Variants in GRIN2A observed in about 807,000 individuals in gnomAD.
The protein encoded by GRIN2A is glutamate receptor ionotropic, NMDA 2A.
In GRIN2A, 22 loss-of-function variants were observed where a neutral mutation model predicts 113.4. The observed-to-expected ratio is 0.19, with a 90% CI of 0.14 to 0.28. The LOEUF (loss-of-function observed/expected upper bound fraction) is 0.28. GRIN2A is among the 10% of genes least tolerant of loss of function. The probability of loss-of-function intolerance (pLI) is 1.00; values close to 1 mark genes in which losing one functional copy is unlikely to be tolerated. For synonymous variants in GRIN2A, 827 were observed against 738.4 expected, an observed-to-expected ratio of 1.12 and a Z score of -1.94; for missense variants, 1,502 against 1,887.0, an observed-to-expected ratio of 0.80 and a Z score of 3.78.
At chr16:9,940,692 T>C (rs1011792358) in intron 2 of GRIN2A, among the ~76,000 whole-genome samples, 4 of 151,936 alleles carry the variant, frequency 2.6e-5, no homozygotes, top group Non-Finnish European at 4.4e-5. Context: ...TTCTGAATAT[T>C]GTGTCCAAAA....
intron 2 of GRIN2A, among the ~76,000 whole-genome samples, chr16:10,166,736 A>G (rs2049933327): frequency 6.6e-6 from 1 of 152,180 alleles, no homozygotes; most frequent in Non-Finnish European, 1.5e-5. Context: ...TGAACAACAC[A>G]CTGCATGCGT....
intron 3 of GRIN2A, among the ~76,000 whole-genome samples, chr16:9,897,624 G>C (rs2141503175): frequency 6.6e-6 from 1 of 152,200 alleles, no homozygotes; most frequent in African/African-American, 2.4e-5. Flanking sequence ...AATAATTTTA[G>C]GTTGATTTCA....
chr16:9,865,984 A>G (rs948562028), intron 4 of GRIN2A, among the ~76,000 whole-genome samples: 5 of 152,208 alleles, frequency 3.3e-5, no homozygotes, highest in Non-Finnish European at 7.3e-5. Flanking sequence ...TTGCCTTTGC[A>G]CTAAAAATGC....
intron 2 of GRIN2A, among the ~76,000 whole-genome samples, chr16:10,070,511 T>C (rs2047729110): frequency 6.7e-6 from 1 of 149,876 alleles, no homozygotes; most frequent in South Asian, 2.1e-4. Flanking sequence ...TTATTTGTAA[T>C]TACAGTTAAA....
At chr16:10,005,676 C>G (rs1427094575) in intron 2 of GRIN2A, among the ~76,000 whole-genome samples, 1 of 152,196 alleles carries the variant, frequency 6.6e-6, no homozygotes, top group East Asian at 1.9e-4. Context: ...TGTAACATCT[C>G]CTGATTTGTA....
At chr16:9,827,124 T>G (rs1319580600) in intron 9 of GRIN2A, among the ~76,000 whole-genome samples, 1 of 152,212 alleles carries the variant, frequency 6.6e-6, no homozygotes, top group African/African-American at 2.4e-5. Flanking sequence ...CTTTCTTTCA[T>G]CCTTACTGCA....
At chr16:10,175,421 T>C (rs1456871743) in intron 2 of GRIN2A, among the ~76,000 whole-genome samples, 1 of 152,142 alleles carries the variant, frequency 6.6e-6, no homozygotes, top group Non-Finnish European at 1.5e-5. Context: ...ATATATACTA[T>C]AAAATCCTGA....
At chr16:9,941,254 G>T (rs1375155485) in intron 2 of GRIN2A, among the ~76,000 whole-genome samples, 1 of 152,200 alleles carries the variant, frequency 6.6e-6, no homozygotes, top group African/African-American at 2.4e-5. Flanking sequence ...GATGGAATGT[G>T]GGATCCTCCA....
chr16:10,166,863 T>A (rs530580411), intron 2 of GRIN2A, among the ~76,000 whole-genome samples: 5 of 152,232 alleles, frequency 3.3e-5, no homozygotes, highest in African/African-American at 1.2e-4. Flanking sequence ...AAGACCTTTA[T>A]GATGACCCAC....
intron 2 of GRIN2A, among the ~76,000 whole-genome samples, chr16:10,078,887 G>A (rs148357455): frequency 1.3e-5 from 2 of 152,216 alleles, no homozygotes; most frequent in East Asian, 1.9e-4. Flanking sequence ...CCACATCACC[G>A]TCTCTGCATT....
intron 2 of GRIN2A, among the ~76,000 whole-genome samples, chr16:9,968,064 G>C (rs910159843): frequency 2.6e-5 from 4 of 152,044 alleles, no homozygotes; most frequent in Non-Finnish European, 5.9e-5. Context: ...CAACCCAGTG[G>C]GTAGGCGTTA....
intron 2 of GRIN2A, among the ~76,000 whole-genome samples, chr16:10,092,063 C>T (rs2048193545): frequency 6.6e-6 from 1 of 152,152 alleles, no homozygotes; most frequent in African/African-American, 2.4e-5. Context: ...CCTCTAACAG[C>T]CCACACAATA....
At chr16:9,972,564 A>C (rs2045693882) in intron 2 of GRIN2A, among the ~76,000 whole-genome samples, 1 of 152,220 alleles carries the variant, frequency 6.6e-6, no homozygotes, top group South Asian at 2.1e-4. Flanking sequence ...GCCTCAGAAG[A>C]GGAAAATAAA....
At chr16:9,890,128 T>C (rs1382984750) in intron 4 of GRIN2A, among the ~76,000 whole-genome samples, 1 of 152,206 alleles carries the variant, frequency 6.6e-6, no homozygotes, top group Non-Finnish European at 1.5e-5. Flanking sequence ...TTTGATGTAC[T>C]AAGTGAAGAT....
intron 3 of GRIN2A, among the ~76,000 whole-genome samples, chr16:9,937,250 A>C (rs1328955645): frequency 6.6e-6 from 1 of 152,180 alleles, no homozygotes; most frequent in Non-Finnish European, 1.5e-5. Context: ...GGGATGATCA[A>C]TAGGGTAAAA....
chr16:9,967,368 C>G (rs1041257159), intron 2 of GRIN2A, among the ~76,000 whole-genome samples: 2 of 152,146 alleles, frequency 1.3e-5, no homozygotes, highest in Non-Finnish European at 2.9e-5. Context: ...GTTATGTTCT[C>G]ACTTATAAGT....
chr16:9,854,990 G>A (rs748410864), intron 4 of GRIN2A, among the ~76,000 whole-genome samples: 4 of 121,328 alleles, frequency 3.3e-5, no homozygotes, highest in Non-Finnish European at 6.9e-5. Context: ...AGGCAAGCAC[G>A]CTTGTGTGTG....
At chr16:10,139,191 T>C (rs2049269653) in intron 2 of GRIN2A, among the ~76,000 whole-genome samples, 1 of 152,106 alleles carries the variant, frequency 6.6e-6, no homozygotes, top group South Asian at 2.1e-4. Context: ...GGGTGGAAGC[T>C]TGGGGGTCAA....
At chr16:9,850,160 G>A (rs994040075) in intron 4 of GRIN2A, among the ~76,000 whole-genome samples, 199 bp from the exon 5 acceptor site, 29 of 152,130 alleles carry the variant, frequency 1.9e-4, no homozygotes, top group Non-Finnish European at 2.2e-4. Flanking sequence ...CATCCCAGCC[G>A]CCCTCATCCC....
Sources: allele counts gnomAD v4.1 joint callset (sites outside exome capture counted in the v4.1 genomes callset), GRCh38; gene constraint gnomAD v4.1.1; transcripts MANE v1.5; gene names NCBI Gene and HGNC (gene_info 2026-07-23, HGNC 2026-07-21).